ANXA4: variants seen among roughly 807,000 people sequenced by gnomAD.
The protein encoded by ANXA4 is annexin A4, also known as 35-beta calcimedin.
Under a neutral mutation model 49.8 loss-of-function variants are expected in ANXA4, and 39 were observed. That is an observed-to-expected ratio of 0.78 (90% CI 0.61 to 1.02). ANXA4 has a LOEUF of 1.02. ANXA4 is among the 50% of genes least tolerant of loss of function. The probability of loss-of-function intolerance (pLI) is 0.00; values close to 1 mark genes in which losing one functional copy is unlikely to be tolerated. For synonymous variants in ANXA4, 134 were observed against 152.5 expected (o/e 0.88, Z 0.89); for missense variants, 360 against 410.1 (o/e 0.88, Z 1.05).
At chr2:69,793,854 T>C (rs561958092) in intron 3 of ANXA4, among the ~76,000 whole-genome samples, 2 of 110,572 alleles carry the variant, frequency 1.8e-5, no homozygotes, top group Admixed American at 1.9e-4. Context: ...AGCAATTCAG[T>C]CAACTGAGAA....
intron 2 of ANXA4, among the ~76,000 whole-genome samples, chr2:69,715,959 C>A (rs1245115052): frequency 1.3e-5 from 2 of 152,154 alleles, no homozygotes; most frequent in African/African-American, 4.8e-5. Flanking sequence ...TAGTCATGGG[C>A]CAAGTGCTGG....
chr2:69,793,609 G>T (rs1416469466), intron 3 of ANXA4, among the ~76,000 whole-genome samples: 1 of 152,154 alleles, frequency 6.6e-6, no homozygotes, highest in African/African-American at 2.4e-5. Flanking sequence ...TCTGAGTGAG[G>T]TTCTTTCAGA....
At chr2:69,744,353 TTGAG>T (rs1559133796) in intron 1 of ANXA4, among the ~76,000 whole-genome samples, 1 of 152,152 alleles carries the variant, frequency 6.6e-6, no homozygotes, top group Non-Finnish European at 1.5e-5. Context: ...GAGATTTTCT[TTGAG>T]TGTCATTTTT....
rs117511177 is a variant in ANXA4 at position 69,718,993 on chromosome 2, T to G, written n.767-1781T>G. Among the ~76,000 whole-genome samples the G allele has an allele frequency of 4.5e-3, 687 of 151,586 alleles. 19 individuals are homozygous for G. The East Asian group carries it at 0.066, about 15-fold the overall frequency. The stretch of plus-strand genomic sequence containing the variant: ...CTAGCTACCCTCCTTTTTTTTTTTT[T>G]TGTGACTGAGTCTCACACTGTCACC... On this transcript the variant is annotated intron_variant and non_coding_transcript_variant, in intron 2 of 3. Transcript: ENST00000418066.
chr2:69,742,591 C>A (rs1371401369), intron 1 of ANXA4, among the ~76,000 whole-genome samples: 1 of 152,234 alleles, frequency 6.6e-6, no homozygotes, highest in Non-Finnish European at 1.5e-5. Flanking sequence ...ATTTAAGAAA[C>A]TTACTCCTTT....
intron 3 of ANXA4, among the ~76,000 whole-genome samples, chr2:69,802,536 C>T (rs778868020): frequency 2.6e-5 from 4 of 152,038 alleles, no homozygotes; most frequent in Admixed American, 6.6e-5. Context: ...CAAGGTGAAA[C>T]CCCGTCTCTA....
chr2:69,682,285 G>T (rs776858451), intron 2 of ANXA4, among the ~76,000 whole-genome samples: 2 of 151,934 alleles, frequency 1.3e-5, no homozygotes, highest in Admixed American at 1.3e-4. Flanking sequence ...ATAGGTTTTC[G>T]TACGTTCTAT....
At chr2:69,735,809 G>A (rs952342606) in intron 3 of ANXA4, among the ~76,000 whole-genome samples, 2 of 151,996 alleles carry the variant, frequency 1.3e-5, no homozygotes, top group Non-Finnish European at 2.9e-5. Context: ...TGATTGACTG[G>A]GCTCAGCTAG....
intron 3 of ANXA4, among the ~76,000 whole-genome samples, chr2:69,791,849 A>G (rs1240323616): frequency 6.6e-6 from 1 of 152,272 alleles, no homozygotes; most frequent in Non-Finnish European, 1.5e-5. Context: ...ATACAGTCAG[A>G]AATACAATTG....
chr2:69,757,682 G>A (rs1671117663), intron 1 of ANXA4, among the ~76,000 whole-genome samples: 1 of 151,814 alleles, frequency 6.6e-6, no homozygotes, highest in Non-Finnish European at 1.5e-5. Context: ...TCCAGGGCCG[G>A]GTGGGGTGGC....
intron 2 of ANXA4, among the ~76,000 whole-genome samples, chr2:69,676,043 A>ATAC (rs1260650759): frequency 2.4e-4 from 36 of 151,130 alleles, no homozygotes; most frequent in Non-Finnish European, 4.0e-4. Flanking sequence ...AATAATAATA[A>ATAC]TAGTTAAAAT....
intron 1 of ANXA4, among the ~76,000 whole-genome samples, chr2:69,760,030 C>T (rs1409739693): frequency 6.6e-6 from 1 of 152,100 alleles, no homozygotes; most frequent in Non-Finnish European, 1.5e-5. Context: ...GACGGGGTTT[C>T]ACCGTGTTAG....
At chr2:69,656,857 C>A (rs1573061922) in intron 2 of ANXA4, among the ~76,000 whole-genome samples, 1 of 152,092 alleles carries the variant, frequency 6.6e-6, no homozygotes, top group African/African-American at 2.4e-5. Flanking sequence ...CTCATTAGTT[C>A]TTGCTGGTGT....
intron 2 of ANXA4, among the ~76,000 whole-genome samples, chr2:69,675,756 A>G (rs1677385052): frequency 6.6e-6 from 1 of 152,152 alleles, no homozygotes; most frequent in Non-Finnish European, 1.5e-5. Flanking sequence ...ATGCTTAAAA[A>G]TGGTTAAAAT....
intron 2 of ANXA4, among the ~76,000 whole-genome samples, chr2:69,696,927 A>G (rs1449642905): frequency 6.6e-6 from 1 of 152,200 alleles, no homozygotes; most frequent in Admixed American, 6.5e-5. Flanking sequence ...TGCTCCATTT[A>G]TACAGCACTG....
chr2:69,707,728 C>A (rs927997289), intron 2 of ANXA4, among the ~76,000 whole-genome samples: 4 of 152,202 alleles, frequency 2.6e-5, no homozygotes, highest in Non-Finnish European at 4.4e-5. Flanking sequence ...CTTTGTGTTA[C>A]AAACAACCCA....
chr2:69,766,928 G>A (rs149031162), intron 1 of ANXA4, among the ~76,000 whole-genome samples: 80 of 152,200 alleles, frequency 5.3e-4, no homozygotes, highest in Non-Finnish European at 8.7e-4. Context: ...TCTTTCTGGG[G>A]GGCAAGAATT....
intron 3 of ANXA4, among the ~76,000 whole-genome samples, chr2:69,726,843 C>T (rs1032922336): frequency 3.3e-5 from 5 of 152,110 alleles, no homozygotes; most frequent in African/African-American, 7.2e-5. Context: ...TATTGTATTC[C>T]ATTATGTGAC....
In ANXA4 at chr2:69,651,824, G is replaced by A. The variant is rs769069858; in HGVS notation, n.482-1174G>A. Among the ~76,000 whole-genome samples the A allele has an allele frequency of 7.5e-3, 387 of 51,770 alleles. 17 individuals carry two copies. Among genetic ancestry groups the A allele is most frequent in the East Asian group, 0.066 (68 of 1,026 alleles). The allele number at this position is 51,770 out of a possible 152,430, so 34.0% of individuals were successfully genotyped here. A position where few individuals can be genotyped will look rare whatever the true frequency, so the allele number is the denominator to read the frequency against. On this transcript the variant is annotated intron_variant and non_coding_transcript_variant, in intron 1 of 3. Transcript: ENST00000418066. ...GCTTTTTTTTTTTTTTTTTGGGGGG[G>A]GGGGGCGGGGAGACAGAGTCTCACT...
Sources: gnomAD v4.1 joint callset for allele counts (sites outside exome capture counted in the v4.1 genomes callset) on GRCh38, gnomAD v4.1.1 for gene constraint, MANE v1.5 for transcripts, NCBI Gene and HGNC (gene_info 2026-07-23, HGNC 2026-07-21) for gene names.